Variants in SUV39H1 observed in about 807,000 individuals in gnomAD.
SUV39H1 encodes histone-lysine N-methyltransferase SUV39H1.
For missense variants in SUV39H1, 180 were observed against 386.3 expected (o/e 0.47, Z 4.48); for synonymous variants, 141 against 150.5 (o/e 0.94, Z 0.46).
chrX:48,696,680 G>T, upstream of SUV39H1: 2 of 1,052,292 alleles, frequency 1.9e-6, no homozygotes, highest in South Asian at 2.1e-5. Flanking sequence ...CGGGTGCTGC[G>T]AGTCGGGAGC....
At position 48,700,310 on chromosome X, in the gene SUV39H1, C is replaced by T. The variant is rs782447038; in HGVS notation, c.385C>T (p.Arg129Cys). Reference sequence around the variant, plus strand: ...GAAGGCCAAGCAGAGGCGGGCGCTCCGTCGCTGGGAGCAGGAGCTCAATGC... The same window carrying T: ...GAAGGCCAAGCAGAGGCGGGCGCTCTGTCGCTGGGAGCAGGAGCTCAATGC... ...VQKAKQRRALRRWEQELNAKR... is the reference protein window; with the variant it reads ...VQKAKQRRALCRWEQELNAKR... The change falls in exon 3 of 6, where the codon CGT (arginine) becomes TGT (cysteine). Residue 129 changes from arginine (R) to cysteine (C), a missense_variant. By Grantham distance (180) the Arg-to-Cys change is radical (BLOSUM62 -3). Coordinates refer to ENST00000376687, the MANE Select transcript of SUV39H1 (RefSeq NM_003173.4). 17 of 1,210,426 alleles carry T rather than the reference C, an allele frequency of 1.4e-5. No individual in the cohort carries two copies. Among genetic ancestry groups the T allele is most frequent in the Admixed American group, 4.3e-5 (2 of 46,006 alleles).
At chrX:48,696,614 G>C (rs1043258443), upstream of SUV39H1, 12 of 615,160 alleles carry the variant, frequency 2.0e-5, no homozygotes, top group Middle Eastern at 5.7e-4. Flanking sequence ...ACCCGCCTCC[G>C]GGACCGAGCC....
At chrX:48,696,586 T>C (rs2062456137), upstream of SUV39H1, 1 of 431,056 alleles carries the variant, frequency 2.3e-6, no homozygotes, top group Non-Finnish European at 3.6e-6. Context: ...AGACGCACTC[T>C]GGGAAAGCGC....
At chrX:48,697,068 G>T (rs1302643304) in intron 1 of SUV39H1, among the ~76,000 whole-genome samples, 1 of 109,707 alleles carries the variant, frequency 9.1e-6, no homozygotes, top group East Asian at 2.9e-4. Flanking sequence ...ATCGCGGCCG[G>T]ACCGGCGCGC....
chrX:48,698,757 C>A, intron 1 of SUV39H1, 145 bp from the exon 2 acceptor site: 1 of 709,531 alleles, frequency 1.4e-6, no homozygotes, highest in Non-Finnish European at 2.0e-6. Flanking sequence ...GTAGAACAGT[C>A]TCAGCACTGG....
Position 48,707,919 on chromosome X carries a change from G to A in SUV39H1, c.*349G>A. ...CCAGAATATATTTGTTTTTGCACCT[G>A]CTTCTGCCTGGAGATTGAGGGGTCT... On this transcript the variant is annotated 3_prime_UTR_variant, in exon 6 of 6. Coordinates refer to ENST00000376687, the MANE Select transcript of SUV39H1 (RefSeq NM_003173.4). 3.5e-6 allele frequency: 1 copy of A among 289,719 alleles called. No homozygotes were observed. The highest frequency in any genetic ancestry group is 3.3e-5 in the South Asian group (1 of 29,909). 23.9% of individuals were successfully genotyped at this position (289,719 alleles called of 1,213,427 possible).
intron 2 of SUV39H1, chrX:48,699,309 G>A: frequency 3.3e-6 from 1 of 302,127 alleles, no homozygotes; most frequent in Admixed American, 5.6e-5. Flanking sequence ...AGATTGAGAT[G>A]CTGAACCCTG....
chrX:48,705,070 G>A (rs2062486652), intron 3 of SUV39H1, among the ~76,000 whole-genome samples: 1 of 112,324 alleles, frequency 8.9e-6, no homozygotes, highest in African/African-American at 3.2e-5. Context: ...ACAGCCTTGA[G>A]GGGACAGCCA....
chrX:48,696,091 A>T (rs782085189), upstream of SUV39H1, among the ~76,000 whole-genome samples: 20 of 113,170 alleles, frequency 1.8e-4, 1 homozygote, highest in East Asian at 2.8e-3. Flanking sequence ...GCTGCAGTCT[A>T]TGAGAGGATT....
rs1557010360 is a variant in SUV39H1, at chrX:48,707,540, G to C, written c.1209G>C (p.Gly403=). ...GGGTCCGTATTGAATGCAAGTGTGG[G>C]ACTGAGTCCTGCCGCAAATACCTCT... ...KKRVRIECKC[G]TESCRKYLF Residue 403 remains glycine (G), a synonymous_variant, in exon 6 of 6, where the codon GGG becomes GGC. Coordinates refer to ENST00000376687, the MANE Select transcript of SUV39H1 (RefSeq NM_003173.4). 1 of 1,211,680 alleles carries C rather than the reference G, an allele frequency of 8.3e-7. No homozygotes were observed. The highest frequency in any genetic ancestry group is 1.1e-6 in the Non-Finnish European group (1 of 895,449).
chrX:48,698,855 C>T, intron 1 of SUV39H1, 47 bp from the exon 2 acceptor site: 4 of 1,186,773 alleles, frequency 3.4e-6, no homozygotes, highest in Non-Finnish European at 4.5e-6. Context: ...GACTCCTGGC[C>T]TAGTCAGGCT....
intron 3 of SUV39H1, among the ~76,000 whole-genome samples, chrX:48,701,348 G>C (rs1310271502): frequency 8.9e-6 from 1 of 112,399 alleles, no homozygotes; most frequent in Non-Finnish European, 1.9e-5. Flanking sequence ...AAGTTTGCTT[G>C]CTCATGGAAC....
In SUV39H1 at chrX:48,700,265, T is replaced by G; in HGVS notation, c.340T>G (p.Leu114Val). The change falls in exon 3 of 6, where the codon TTG becomes GTG. Residue 114 changes from leucine (L) to valine (V), a missense_variant. Coordinates refer to ENST00000376687, the MANE Select transcript of SUV39H1 (RefSeq NM_003173.4). The part of the protein sequence containing the change: ...SKTPRHLDPS[L>V]ANYLVQKAKQ... ...GACCCCCCGGCACCTGGACCCAAGC[T>G]TGGCCAACTACCTGGTGCAGAAGGC... 8.3e-7 allele frequency: 1 copy of G among 1,208,839 alleles called. No homozygotes were observed. Among genetic ancestry groups the G allele is most frequent in the Non-Finnish European group, 1.1e-6 (1 of 894,010 alleles).
At chrX:48,696,083 T>C (rs1465772605), upstream of SUV39H1, among the ~76,000 whole-genome samples, 4 of 113,349 alleles carry the variant, frequency 3.5e-5, no homozygotes, top group South Asian at 1.4e-3. Context: ...GGCTGGATGC[T>C]GCAGTCTATG....
At chrX:48,703,485 C>T (rs922819917) in intron 3 of SUV39H1, among the ~76,000 whole-genome samples, 1 of 111,697 alleles carries the variant, frequency 9.0e-6, no homozygotes, top group African/African-American at 3.3e-5. Context: ...CCTTTGCAGC[C>T]TCCCACATTG....
At chrX:48,695,673 G>C (rs1310624508), upstream of SUV39H1, 2 of 1,118,970 alleles carry the variant, frequency 1.8e-6, no homozygotes, top group African/African-American at 1.8e-5. Flanking sequence ...CTGACGATGT[G>C]ATGAGGGGCG....
At position 48,700,279 on chromosome X, in the gene SUV39H1, G is replaced by A; in HGVS notation, c.354G>A (p.Leu118=). 2 of 1,209,532 alleles carry A rather than the reference G, an allele frequency of 1.7e-6. No homozygotes were observed. Among genetic ancestry groups the A allele is most frequent in the African/African-American group, 1.7e-5 (1 of 57,864 alleles). The change falls in exon 3 of 6, where the codon CTG becomes CTA. Residue 118 remains leucine (L), a synonymous_variant. Coordinates refer to ENST00000376687, the MANE Select transcript of SUV39H1 (RefSeq NM_003173.4). The part of the protein sequence containing the change: ...RHLDPSLANY[L]VQKAKQRRAL... ...TGGACCCAAGCTTGGCCAACTACCT[G>A]GTGCAGAAGGCCAAGCAGAGGCGGG...
At chrX:48,701,658 A>G (rs961826066) in intron 3 of SUV39H1, among the ~76,000 whole-genome samples, 1 of 109,077 alleles carries the variant, frequency 9.2e-6, no homozygotes, top group Non-Finnish European at 1.9e-5. Flanking sequence ...GCACAAGGCT[A>G]AAGCACAGCC....
chrX:48,707,119 A>AC lies in SUV39H1; in HGVS notation c.1106-317dup, dbSNP rs1426207746. Among the ~76,000 whole-genome samples, 34 of 55,699 alleles carry AC rather than the reference A, an allele frequency of 6.1e-4. 1 individual carries two copies. The highest frequency in any genetic ancestry group is 1.1e-3 in the Admixed American group (5 of 4,581). 48.4% of individuals were successfully genotyped at this position (55,699 alleles called of 115,157 possible). On this transcript the variant is annotated intron_variant, in intron 5 of 5. Coordinates refer to ENST00000376687, the MANE Select transcript of SUV39H1 (RefSeq NM_003173.4). ...TCTATTCCTGCCCCTGCCCCCCCCCACACACCTAAAACGACCCTCCTGGTT... is the reference window on the plus strand; with the variant it reads ...TCTATTCCTGCCCCTGCCCCCCCCCACCACACCTAAAACGACCCTCCTGGTT...
Sources: allele counts gnomAD v4.1 joint callset (sites outside exome capture counted in the v4.1 genomes callset), GRCh38; gene constraint gnomAD v4.1.1; transcripts MANE v1.5; gene names NCBI Gene and HGNC (gene_info 2026-07-23, HGNC 2026-07-21).